The following COL22A1 variants were observed in gnomAD, a reference collection of about 807,000 sequenced individuals.
COL22A1 encodes the protein collagen alpha-1(XXII) chain.
A neutral mutation model predicts 248.9 loss-of-function variants in COL22A1; 221 were observed. The ratio of observed to expected loss-of-function variants is 0.89; its 90% CI spans 0.80 to 0.99. The LOEUF (loss-of-function observed/expected upper bound fraction) is 0.99. COL22A1 is among the 50% of genes least tolerant of loss of function. The pLI, the probability that COL22A1 is intolerant of heterozygous loss-of-function variation, is 0.00. For missense variants in COL22A1, 2,240 were observed against 2,179.0 expected, an observed-to-expected ratio of 1.03 and a Z score of -0.56; for synonymous variants, 891 against 793.4, an observed-to-expected ratio of 1.12 and a Z score of -2.07.
intron 30 of COL22A1, among the ~76,000 whole-genome samples, chr8:138,712,535 T>C (rs1323748621): frequency 1.2e-5 from 1 of 84,958 alleles, no homozygotes; most frequent in Admixed American, 1.3e-4. Context: ...AGAGAGTACA[T>C]GTTCTATCAG....
intron 1 of COL22A1, among the ~76,000 whole-genome samples, chr8:138,907,169 A>C (rs1196742508): frequency 6.6e-6 from 1 of 152,184 alleles, no homozygotes; most frequent in Non-Finnish European, 1.5e-5. Flanking sequence ...TTTCTCCATC[A>C]CAGTGTGGGG....
At chr8:138,796,337 T>TGGG (rs1816522796) in intron 12 of COL22A1, among the ~76,000 whole-genome samples, 1 of 150,774 alleles carries the variant, frequency 6.6e-6, no homozygotes, top group Non-Finnish European at 1.5e-5. Context: ...CCAATCTTAT[T>TGGG]GGGGTTTCCT....
intron 23 of COL22A1, among the ~76,000 whole-genome samples, chr8:138,731,306 AAAAT>A (rs758849665): frequency 3.3e-5 from 5 of 152,184 alleles, no homozygotes; most frequent in Non-Finnish European, 5.9e-5. Context: ...CGTCTCAAAA[AAAAT>A]AAATAAAGAC....
chr8:138,598,250 G>A (rs78462374), intron 61 of COL22A1, among the ~76,000 whole-genome samples: 6,263 of 152,252 alleles, frequency 0.041, 198 homozygotes, highest in South Asian at 0.097. Flanking sequence ...GACGCAGGGG[G>A]ACGAAGGAGT....
intron 12 of COL22A1, among the ~76,000 whole-genome samples, chr8:138,782,549 C>A: frequency 6.6e-6 from 1 of 152,032 alleles, no homozygotes; most frequent in East Asian, 1.9e-4. Flanking sequence ...ACCTATAATC[C>A]CAGCTACTTG....
At chr8:138,693,727 G>T in intron 34 of COL22A1, 28 bp from the exon 35 acceptor site, 1 of 1,555,836 alleles carries the variant, frequency 6.4e-7, no homozygotes, top group South Asian at 1.2e-5. Flanking sequence ...GAGGGGCGGG[G>T]GTAAGACACC....
At chr8:138,600,119 C>G (rs187062080) in intron 60 of COL22A1, among the ~76,000 whole-genome samples, 1 of 152,150 alleles carries the variant, frequency 6.6e-6, no homozygotes, top group Non-Finnish European at 1.5e-5. Flanking sequence ...GCTGGAAGTG[C>G]GGGACCAATG....
chr8:138,787,391 A>G (rs909506465), intron 12 of COL22A1, among the ~76,000 whole-genome samples: 2 of 151,664 alleles, frequency 1.3e-5, no homozygotes, highest in African/African-American at 4.8e-5. Flanking sequence ...ATGTTAACAG[A>G]GCAGAACAGA....
intron 30 of COL22A1, among the ~76,000 whole-genome samples, chr8:138,708,956 A>T (rs902082369): frequency 6.6e-6 from 1 of 151,980 alleles, no homozygotes; most frequent in African/African-American, 2.4e-5. Context: ...AAATCAAAAA[A>T]CCCCATCAAA....
At chr8:138,803,083 A>G in intron 10 of COL22A1, 149 bp from the exon 11 acceptor site, 1 of 692,928 alleles carries the variant, frequency 1.4e-6, no homozygotes, top group South Asian at 1.6e-5. Context: ...CACATGTCCC[A>G]CCCCTGGAGA....
chr8:138,884,637 A>C (rs1306987367), intron 1 of COL22A1, among the ~76,000 whole-genome samples: 1 of 152,188 alleles, frequency 6.6e-6, no homozygotes, highest in African/African-American at 2.4e-5. Context: ...CAATGACCAG[A>C]GGGAAGACTG....
At chr8:138,591,371 G>T in intron 64 of COL22A1, 53 bp downstream of exon 64, 1 of 1,379,472 alleles carries the variant, frequency 7.2e-7, no homozygotes. Flanking sequence ...CAGGGGTGCT[G>T]GGTCTCCAGG....
intron 22 of COL22A1, 79 bp downstream of exon 22, chr8:138,751,379 A>C (rs747240023): frequency 1.5e-4 from 149 of 985,680 alleles, no homozygotes; most frequent in Non-Finnish European, 2.2e-4. Flanking sequence ...GACACTGTCT[A>C]TCTTCTCTGC....
chr8:138,598,946 G>C (rs368323039), intron 60 of COL22A1, 48 bp from the exon 61 acceptor site: 16 of 1,594,570 alleles, frequency 1.0e-5, no homozygotes, highest in Non-Finnish European at 1.4e-5. Context: ...GCTGGAAGCT[G>C]TACCCCATGC....
chr8:138,756,141 C>T (rs75022785), intron 18 of COL22A1, among the ~76,000 whole-genome samples: 2,299 of 152,308 alleles, frequency 0.015, 62 homozygotes, highest in African/African-American at 0.052. Flanking sequence ...CCAGCCTCTG[C>T]GGCTTGAGAG....
rs751168155 is a variant in COL22A1 at position 138,607,945 on chromosome 8, T to G, written c.4023A>C (p.Ser1341=). ...GCCAAAGAGAACTCACAGGGGTTCC[T>G]GAAGGGCCAGGCTCTCCTGGAGATC... ...SPGSPGEPGP[S]GTPGQKGSKG... Residue 1341 remains serine, a synonymous_variant, in exon 57 of 65, where the codon TCA becomes TCC. Transcript: ENST00000303045. 9.9e-6 allele frequency: 16 copies of G among 1,613,968 alleles called. No individual in the cohort carries two copies. In the East Asian group the frequency reaches 2.9e-4, roughly 29 times the overall value.
intron 1 of COL22A1, among the ~76,000 whole-genome samples, chr8:138,912,088 C>T (rs1021174843): frequency 6.6e-6 from 1 of 152,138 alleles, no homozygotes; most frequent in Admixed American, 6.5e-5. Flanking sequence ...TACCAGATGC[C>T]TCTTGTGTTA....
At chr8:138,819,376 G>A (rs975712631) in intron 7 of COL22A1, among the ~76,000 whole-genome samples, 6 of 151,842 alleles carry the variant, frequency 4.0e-5, no homozygotes, top group Non-Finnish European at 8.8e-5. Flanking sequence ...AAAGGATATG[G>A]CCTAGCATCA....
intron 38 of COL22A1, among the ~76,000 whole-genome samples, chr8:138,684,798 C>A (rs550814437): frequency 6.6e-6 from 1 of 152,296 alleles, no homozygotes; most frequent in Non-Finnish European, 1.5e-5. Context: ...GAAACCTTCA[C>A]TTCAGGCTGA....
Sources: gnomAD v4.1 joint callset for allele counts (sites outside exome capture counted in the v4.1 genomes callset) on GRCh38, gnomAD v4.1.1 for gene constraint, MANE v1.5 for transcripts, NCBI Gene and HGNC (gene_info 2026-07-23, HGNC 2026-07-21) for gene names.